The following TNFRSF10B variants were observed in gnomAD, a reference collection of about 807,000 sequenced individuals.
TNFRSF10B encodes TNF receptor superfamily member 10b.
TNFRSF10B carries 35 observed loss-of-function variants against 41.4 expected under a neutral mutation model. The observed-to-expected ratio is 0.85, with a 90% CI of 0.65 to 1.12. The LOEUF (loss-of-function observed/expected upper bound fraction) is 1.12, where lower values mean the gene tolerates loss of function less well. Ranked by LOEUF, TNFRSF10B falls within the 50% of genes most tolerant of loss-of-function variation. The probability of loss-of-function intolerance (pLI) is 0.00; values close to 1 mark genes in which losing one functional copy is unlikely to be tolerated. For missense variants in TNFRSF10B, 584 were observed against 552.7 expected (o/e 1.06, Z -0.57); for synonymous variants, 230 against 215.5 (o/e 1.07, Z -0.59).
intron 1 of TNFRSF10B, among the ~76,000 whole-genome samples, chr8:23,051,083 C>T (rs12115086): frequency 0.23 from 34,675 of 151,826 alleles, 4,175 homozygotes; most frequent in Non-Finnish European, 0.25. Flanking sequence ...TGAGGTCTTA[C>T]GAATCTATAA....
intron 1 of TNFRSF10B, among the ~76,000 whole-genome samples, chr8:23,058,384 A>G (rs1812730161): frequency 6.6e-6 from 1 of 152,294 alleles, no homozygotes; most frequent in East Asian, 1.9e-4. Flanking sequence ...AAATAGTTCT[A>G]TAATTTTACC....
At chr8:23,053,737 T>C (rs961148135) in intron 1 of TNFRSF10B, among the ~76,000 whole-genome samples, 61 of 152,228 alleles carry the variant, frequency 4.0e-4, no homozygotes, top group African/African-American at 1.3e-3. Flanking sequence ...TATAAGGTTT[T>C]ATTAAAAATT....
At chr8:23,050,456 A>G (rs1444708076) in intron 1 of TNFRSF10B, among the ~76,000 whole-genome samples, 1 of 152,124 alleles carries the variant, frequency 6.6e-6, no homozygotes, top group Non-Finnish European at 1.5e-5. Context: ...GTGTATGTGC[A>G]TATGTGTGTG....
intron 1 of TNFRSF10B, among the ~76,000 whole-genome samples, chr8:23,057,411 T>C (rs1377124498): frequency 6.7e-6 from 1 of 149,232 alleles, no homozygotes; most frequent in Middle Eastern, 3.2e-3. Flanking sequence ...TGTATTATAA[T>C]TTCCTCTGAA....
At chr8:23,067,528 C>G (rs1314060683) in intron 1 of TNFRSF10B, among the ~76,000 whole-genome samples, 1 of 152,036 alleles carries the variant, frequency 6.6e-6, no homozygotes, top group African/African-American at 2.4e-5. Flanking sequence ...CAGCCAGAGA[C>G]CAAAGATCCA....
intron 1 of TNFRSF10B, among the ~76,000 whole-genome samples, chr8:23,058,826 T>A (rs1305831121): frequency 6.6e-6 from 1 of 152,168 alleles, no homozygotes; most frequent in Non-Finnish European, 1.5e-5. Context: ...CCATTTTATG[T>A]GTAATTGTTA....
intron 6 of TNFRSF10B, 60 bp from the exon 7 acceptor site, chr8:23,027,348 T>A: frequency 6.2e-7 from 1 of 1,603,896 alleles, no homozygotes; most frequent in Non-Finnish European, 8.5e-7. Context: ...TAGGGCTCGC[T>A]GCAGGGTCCT....
At position 23,031,258 on chromosome 8, in the gene TNFRSF10B, A is replaced by G. The variant is rs143650044; in HGVS notation, c.251-386T>C. Among the ~76,000 whole-genome samples the G allele has an allele frequency of 2.4e-3, 371 of 151,988 alleles. 1 individual carries two copies. The highest frequency in any genetic ancestry group is 3.4e-3 in the Middle Eastern group (1 of 294). On this transcript the variant is annotated intron_variant, in intron 2 of 8. Coordinates refer to ENST00000276431, the MANE Select transcript of TNFRSF10B (RefSeq NM_003842.5). ...ACCTGGCTAATTTTTGTATTTTTTT[A>G]GTAGAGACAGGGTTTCACCGTATTG...
chr8:23,065,324 A>G (rs539372046), intron 1 of TNFRSF10B, among the ~76,000 whole-genome samples: 1 of 152,232 alleles, frequency 6.6e-6, no homozygotes, highest in Non-Finnish European at 1.5e-5. Flanking sequence ...AGGACCCTGT[A>G]GAGCTCTGTA....
At chr8:23,044,155 C>T (rs1043780861) in intron 1 of TNFRSF10B, among the ~76,000 whole-genome samples, 5 of 152,110 alleles carry the variant, frequency 3.3e-5, no homozygotes, top group South Asian at 4.1e-4. Flanking sequence ...TTAACTTACA[C>T]GTATACAAAA....
Position 23,030,863 on chromosome 8 carries a change from A to G in TNFRSF10B, c.260T>C (p.Ile87Thr), listed in dbSNP as rs1811861769. 3.7e-6 allele frequency: 6 copies of G among 1,609,876 alleles called. No homozygotes were observed. Among genetic ancestry groups the G allele is most frequent in the Non-Finnish European group, 5.1e-6 (6 of 1,178,306 alleles). The stretch of plus-strand genomic sequence containing the variant: ...GATGCAATCTCTACCGTCTTCTGAG[A>G]TATGGTGTCCTGGGAGGGGAGAGAA... ...SEGLCPPGHH[I>T]SEDGRDCISC... is the part of the protein sequence containing the mutation. The change falls in exon 3 of 9, where the codon ATC (isoleucine) becomes ACC (threonine). Residue 87 changes from isoleucine (I) to threonine (T), a missense_variant. Coordinates refer to ENST00000276431, the MANE Select transcript of TNFRSF10B (RefSeq NM_003842.5).
Position 23,028,502 on chromosome 8 carries a change from C to G in TNFRSF10B, c.577G>C (p.Ala193Pro). The change falls in exon 5 of 9, where the codon GCT (alanine) becomes CCT (proline). Residue 193 changes from alanine to proline, a missense_variant. Ala to Pro is a conservative substitution (Grantham distance 27). Coordinates refer to ENST00000276431, the MANE Select transcript of TNFRSF10B (RefSeq NM_003842.5). ...SGTKHSGEVP[A>P]VEETVTSSPG... ...CTGGAGGTCACCGTCTCCTCCACAGCTGGGACTTCCCCACTGTGCTTTGTA... is the reference window on the plus strand; with the variant it reads ...CTGGAGGTCACCGTCTCCTCCACAGGTGGGACTTCCCCACTGTGCTTTGTA... The G allele has an allele frequency of 1.2e-6, 2 of 1,614,138 alleles. No homozygotes were observed. Among genetic ancestry groups the G allele is most frequent in the Non-Finnish European group, 8.5e-7 (1 of 1,179,998 alleles).
chr8:23,065,711 C>T (rs1797570150), intron 1 of TNFRSF10B, among the ~76,000 whole-genome samples: 1 of 152,078 alleles, frequency 6.6e-6, no homozygotes, highest in Non-Finnish European at 1.5e-5. Flanking sequence ...AACTGATCCT[C>T]AGTTTTCTGT....
intron 1 of TNFRSF10B, among the ~76,000 whole-genome samples, chr8:23,058,220 C>G (rs945779765): frequency 1.6e-4 from 25 of 152,148 alleles, no homozygotes; most frequent in Admixed American, 1.6e-3. Flanking sequence ...GCACTCCAGC[C>G]TGGGTAATAG....
At chr8:23,048,437 C>CAAA (rs34985507) in intron 1 of TNFRSF10B, among the ~76,000 whole-genome samples, 6 of 93,696 alleles carry the variant, frequency 6.4e-5, no homozygotes, top group African/African-American at 1.8e-4. Context: ...ATTTTTGTGT[C>CAAA]AAAAAAAAAA....
intron 1 of TNFRSF10B, among the ~76,000 whole-genome samples, chr8:23,058,506 A>G (rs915921000): frequency 2.1e-5 from 3 of 145,988 alleles, no homozygotes; most frequent in African/African-American, 7.6e-5. Context: ...TTTTTTTCAG[A>G]TGGATTTTCA....
chr8:23,027,874 C>T, intron 5 of TNFRSF10B, 121 bp from the exon 6 acceptor site: 3 of 1,242,088 alleles, frequency 2.4e-6, no homozygotes, highest in Non-Finnish European at 3.5e-6. Flanking sequence ...AGCCCTGGGG[C>T]TGGGGACAGA....
At chr8:23,029,293 C>T (rs1811806851) in intron 4 of TNFRSF10B, among the ~76,000 whole-genome samples, 1 of 152,204 alleles carries the variant, frequency 6.6e-6, no homozygotes, top group South Asian at 2.1e-4. Flanking sequence ...ATATGCCTGG[C>T]TGCATTCTAC....
At chr8:23,043,264 T>TG in intron 1 of TNFRSF10B, 21 bp from the exon 2 acceptor site, 1 of 1,603,884 alleles carries the variant, frequency 6.2e-7, no homozygotes, top group Non-Finnish European at 8.5e-7. Context: ...AAAGCAGGGA[T>TG]GGGCATGAGT....
Sources: gnomAD v4.1 joint callset for allele counts (sites outside exome capture counted in the v4.1 genomes callset) on GRCh38, gnomAD v4.1.1 for gene constraint, MANE v1.5 for transcripts, NCBI Gene and HGNC (gene_info 2026-07-23, HGNC 2026-07-21) for gene names.